Variants in NRN1 observed in about 807,000 individuals in gnomAD.
NRN1 encodes neuritin.
NRN1 carries 4 observed loss-of-function variants against 15.0 expected under a neutral mutation model. The ratio of observed to expected loss-of-function variants is 0.27; its 90% CI spans 0.13 to 0.61. The LOEUF (loss-of-function observed/expected upper bound fraction) is 0.61. NRN1 is among the 20% of genes least tolerant of loss of function. NRN1 has a pLI of 0.87. For synonymous variants in NRN1, 85 were observed against 79.8 expected (o/e 1.07, Z -0.35); for missense variants, 134 against 181.9 (o/e 0.74, Z 1.51).
chr6:5,999,550 C>G (rs181072785), intron 2 of NRN1, among the ~76,000 whole-genome samples: 3 of 152,376 alleles, frequency 2.0e-5, no homozygotes, highest in Admixed American at 1.3e-4. Context: ...TGCTCGCCCT[C>G]CTCGGGGAAA....
rs1352250034 is a variant in NRN1, at chr6:6,004,054, G to A, written c.56-1557C>T. 5.2e-6 allele frequency: 6 copies of A among 1,155,046 alleles called. No homozygotes were observed. In the South Asian group the frequency reaches 1.8e-4, roughly 34 times the overall value. The allele number at this position is 1,155,046 out of a possible 1,614,324, so 71.5% of individuals were successfully genotyped here. ...GGTGACCGAACCCGTAGCAGCTTCC[G>A]AGAGCGTACCCGTTTGCAAATTGCT... On this transcript the variant is annotated intron_variant, in intron 1 of 2. Coordinates refer to ENST00000244766, the MANE Select transcript of NRN1 (RefSeq NM_016588.3).
chr6:6,006,266 T>A (rs1024398310), intron 1 of NRN1, among the ~76,000 whole-genome samples: 19 of 152,244 alleles, frequency 1.2e-4, no homozygotes, highest in African/African-American at 4.6e-4. Flanking sequence ...ATATCTTTGC[T>A]TTCAGCACAT....
At position 6,006,798 on chromosome 6, in the gene NRN1, T is replaced by C; in HGVS notation, c.-49A>G. The C allele has an allele frequency of 1.3e-6, 2 of 1,593,490 alleles. No individual in the cohort carries two copies. The highest frequency in any genetic ancestry group is 1.7e-6 in the Non-Finnish European group (2 of 1,161,420). On this transcript the variant is annotated 5_prime_UTR_variant, in exon 1 of 3. Coordinates refer to ENST00000244766, the MANE Select transcript of NRN1 (RefSeq NM_016588.3). ...CGACCGCAGACCTTTAAATAGTTAG[T>C]TTAGAGAACGCGGGGGAAAGCCAAA...
chr6:6,003,804 G>C, intron 1 of NRN1: 1 of 1,233,884 alleles, frequency 8.1e-7, no homozygotes, highest in Non-Finnish European at 1.0e-6. Flanking sequence ...CCGGGCGCCG[G>C]GAGGGCGCCA....
Position 5,999,084 on chromosome 6 carries a change from T to C in NRN1, c.321A>G (p.Leu107=). 4 of 1,614,186 alleles carry C rather than the reference T, an allele frequency of 2.5e-6. No individual in the cohort carries two copies. Among genetic ancestry groups the C allele is most frequent in the Non-Finnish European group, 3.4e-6 (4 of 1,180,016 alleles). ...CGTTGCCGCTGCCGCAGAGTTCGAATAAGCTGCCTTGGATGTTGAGGTTTT... is the reference window on the plus strand; with the variant it reads ...CGTTGCCGCTGCCGCAGAGTTCGAACAAGCTGCCTTGGATGTTGAGGTTTT... The part of the protein sequence containing the change: ...ESKNLNIQGS[L]FELCGSGNGA... Residue 107 remains leucine, a synonymous_variant, in exon 3 of 3, where the codon TTA becomes TTG. Transcript: ENST00000244766.
chr6:5,998,889 T>A lies in NRN1; in HGVS notation c.*87A>T, dbSNP rs1757843531. On this transcript the variant is annotated 3_prime_UTR_variant, in exon 3 of 3. Transcript: ENST00000244766. ...TTCAGCATCACAGAGAATCACAACG[T>A]CCCCAAAGAACTAATGGATCTTCCT... 7 of 865,200 alleles carry A rather than the reference T, an allele frequency of 8.1e-6. No homozygotes were observed. Among genetic ancestry groups the A allele is most frequent in the South Asian group, 7.8e-5 (5 of 64,400 alleles). The allele number at this position is 865,200 out of a possible 1,614,324, so 53.6% of individuals were successfully genotyped here.
intron 2 of NRN1, 104 bp downstream of exon 2, chr6:6,002,249 T>A: frequency 7.0e-7 from 1 of 1,429,714 alleles, no homozygotes. Flanking sequence ...CGATGCGGAT[T>A]CGCGCTGGCG....
At chr6:6,006,382 G>A (rs778578866) in intron 1 of NRN1, among the ~76,000 whole-genome samples, 1 of 152,186 alleles carries the variant, frequency 6.6e-6, no homozygotes, top group Non-Finnish European at 1.5e-5. Flanking sequence ...TTGCCCCAGA[G>A]CGCACCAAAC....
intron 2 of NRN1, among the ~76,000 whole-genome samples, chr6:6,000,748 T>TTTTTTTTTTTTTTTTTTTTTTTTTTTTA (rs1554145373): frequency 1.0e-5 from 1 of 99,102 alleles, no homozygotes; most frequent in Non-Finnish European, 2.0e-5. Flanking sequence ...TTTTTTTTTT[T>TTTTTTTTTTTTTTTTTTTTTTTTTTTTA]ATGTACGCCC....
intron 1 of NRN1, chr6:6,002,909 C>A (rs1252902587): frequency 3.1e-5 from 12 of 383,980 alleles, no homozygotes; most frequent in Admixed American, 4.3e-5. Context: ...TCACAGCTCT[C>A]GCAATGCGAT....
rs186515515 is a variant in NRN1 at position 6,005,355 on chromosome 6, T to A, written c.55+1340A>T. ...AGCTCTTTTCACTAATGTCAAAGAT[T>A]CAAAACAACCAGATTTAAAGCATTG... On this transcript the variant is annotated intron_variant, in intron 1 of 2. Transcript: ENST00000244766. 9.8e-5 allele frequency among the ~76,000 whole-genome samples: 15 copies of A among 152,326 alleles called. No individual in the cohort carries two copies. In the East Asian group the frequency reaches 2.3e-3, roughly 23 times the overall value.
At chr6:6,003,276 G>T (rs1758011989) in intron 1 of NRN1, 3 of 1,234,170 alleles carry the variant, frequency 2.4e-6, no homozygotes, top group Non-Finnish European at 3.0e-6. Flanking sequence ...TGAGTGGTCT[G>T]GAGAGGAGAA....
rs1026743054 is a variant in NRN1, at chr6:5,999,261, C to A, written c.201-57G>T. 7 of 1,488,740 alleles carry A rather than the reference C, an allele frequency of 4.7e-6. No homozygotes were observed. The East Asian group carries it at 1.1e-4, about 24-fold the overall frequency. 92.2% of individuals were successfully genotyped at this position (1,488,740 alleles called of 1,614,324 possible). On this transcript the variant is annotated intron_variant, in intron 2 of 2. Coordinates refer to ENST00000244766, the MANE Select transcript of NRN1 (RefSeq NM_016588.3). ...AGGTTCACTTGGGACGCCGGGAACACCCCGGGCTTGCGCCCCTGCGCCTCC... is the reference window on the plus strand; with the variant it reads ...AGGTTCACTTGGGACGCCGGGAACAACCCGGGCTTGCGCCCCTGCGCCTCC...
intron 2 of NRN1, among the ~76,000 whole-genome samples, chr6:6,001,809 T>C (rs1234458086): frequency 6.6e-6 from 1 of 152,200 alleles, no homozygotes; most frequent in Non-Finnish European, 1.5e-5. Context: ...CGGCATTTCC[T>C]TGGTGTGTAT....
intron 1 of NRN1, chr6:6,003,625 A>G: frequency 1.1e-6 from 1 of 947,602 alleles, no homozygotes; most frequent in Non-Finnish European, 1.4e-6. Context: ...GGCCGCACGA[A>G]GGTCCAAGCC....
chr6:5,998,974 G>C lies in NRN1; in HGVS notation c.*2C>G, dbSNP rs766146294. On this transcript the variant is annotated 3_prime_UTR_variant, in exon 3 of 3. Coordinates refer to ENST00000244766, the MANE Select transcript of NRN1 (RefSeq NM_016588.3). Reference sequence around the variant, plus strand: ...GGCGCGCGGGGGGAGCTGGCCCCACGCTCAGAAGGAAAGCCAGGTCGCTAA... The same window carrying C: ...GGCGCGCGGGGGGAGCTGGCCCCACCCTCAGAAGGAAAGCCAGGTCGCTAA... 1.2e-6 allele frequency: 2 copies of C among 1,606,728 alleles called. No homozygotes were observed. The highest frequency in any genetic ancestry group is 1.3e-5 in the African/African-American group (1 of 74,982).
At chr6:6,001,838 C>T (rs1561903295) in intron 2 of NRN1, among the ~76,000 whole-genome samples, 1 of 152,140 alleles carries the variant, frequency 6.6e-6, no homozygotes, top group African/African-American at 2.4e-5. Context: ...CGTTTTGTCA[C>T]GAGAAATGGA....
intron 1 of NRN1, chr6:6,003,713 G>A: frequency 8.1e-7 from 1 of 1,234,384 alleles, no homozygotes; most frequent in Non-Finnish European, 1.0e-6. Flanking sequence ...CAGGCTGCGG[G>A]CGCGCGGCTG....
intron 1 of NRN1, among the ~76,000 whole-genome samples, chr6:6,005,516 G>A (rs1582995143): frequency 6.6e-6 from 1 of 152,116 alleles, no homozygotes; most frequent in Non-Finnish European, 1.5e-5. Context: ...CCATTTTAAG[G>A]TCTAGAGAAC....
Sources: allele counts gnomAD v4.1 joint callset (sites outside exome capture counted in the v4.1 genomes callset), GRCh38; gene constraint gnomAD v4.1.1; transcripts MANE v1.5; gene names NCBI Gene and HGNC (gene_info 2026-07-23, HGNC 2026-07-21).